ZNF429: variants seen among roughly 807,000 people sequenced by gnomAD.
ZNF429 encodes the protein zinc finger protein 429.
In ZNF429, 53 loss-of-function variants were observed where a neutral mutation model predicts 56.8. The observed-to-expected ratio is 0.93, with a 90% CI of 0.75 to 1.17. The LOEUF (loss-of-function observed/expected upper bound fraction) is 1.17. ZNF429 is among the 50% of genes most tolerant of loss of function. ZNF429 has a pLI of 0.00. For missense variants in ZNF429, 849 were observed against 788.4 expected (o/e 1.08, Z -0.92); for synonymous variants, 278 against 264.7 (o/e 1.05, Z -0.49).
At chr19:21,521,330 G>T (rs1032728173) in intron 1 of ZNF429, 9 of 152,088 alleles carry the variant, frequency 5.9e-5, no homozygotes, top group African/African-American at 2.2e-4. Flanking sequence ...ACAAAGTCAG[G>T]TTCCAGTTCT....
chr19:21,506,461 A>AG (rs112803668), intron 1 of ZNF429, among the ~76,000 whole-genome samples: 8 of 147,228 alleles, frequency 5.4e-5, no homozygotes, highest in African/African-American at 2.0e-4. Flanking sequence ...AAAAAAAAAA[A>AG]GGGGAGTCAC....
chr19:21,523,383 T>TG (rs971115277), intron 1 of ZNF429, among the ~76,000 whole-genome samples: 1 of 152,184 alleles, frequency 6.6e-6, no homozygotes, highest in African/African-American at 2.4e-5. Context: ...CAATTACATT[T>TG]GCACCAACCT....
intron 1 of ZNF429, among the ~76,000 whole-genome samples, chr19:21,506,760 GTTTTTTGTTTT>G (rs1168826761): frequency 8.4e-6 from 1 of 119,660 alleles, no homozygotes; most frequent in Non-Finnish European, 1.7e-5. Context: ...ATTTGAGTTA[GTTTTTTGTTTT>G]TTTTTTTTTT....
Position 21,537,452 on chromosome 19 carries a change from C to T in ZNF429, c.1399C>T (p.His467Tyr), listed in dbSNP as rs773133276. 10 of 1,601,322 alleles carry T rather than the reference C, an allele frequency of 6.2e-6. No homozygotes were observed. Among genetic ancestry groups the T allele is most frequent in the Middle Eastern group, 1.7e-4 (1 of 5,962 alleles). Residue 467 changes from histidine to tyrosine, a missense_variant, in exon 4 of 4, where the codon CAC becomes TAC. Coordinates refer to ENST00000358491, the MANE Select transcript of ZNF429 (RefSeq NM_001001415.4). ...TGGCAAAGCTTTTAACCGGTCCTCA[C>T]ACCTTACTAGCCATAGGAGAATTCA... ...ECGKAFNRSS[H>Y]LTSHRRIHTG...
chr19:21,507,308 C>T (rs1239203818), intron 1 of ZNF429, among the ~76,000 whole-genome samples: 1 of 152,202 alleles, frequency 6.6e-6, no homozygotes, highest in African/African-American at 2.4e-5. Flanking sequence ...ACTCCCACTA[C>T]TCCCTAATTC....
Position 21,534,474 on chromosome 19 carries a change from C to G in ZNF429, c.227-1806C>G. Among the ~76,000 whole-genome samples, 2 of 102,196 alleles carry G rather than the reference C, an allele frequency of 2.0e-5. 1 individual carries two copies. Among genetic ancestry groups the G allele is most frequent in the African/African-American group, 7.2e-5 (2 of 27,732 alleles). 67.0% of individuals were successfully genotyped at this position (102,196 alleles called of 152,430 possible). ...CAACGCAGCCTCAACCTCCTGAGCT[C>G]AAGTGATCCTTCCATCTCAGTCTCC... On this transcript the variant is annotated intron_variant, in intron 3 of 3. Transcript: ENST00000358491.
At chr19:21,522,486 T>A (rs2033017666) in intron 1 of ZNF429, among the ~76,000 whole-genome samples, 1 of 152,232 alleles carries the variant, frequency 6.6e-6, no homozygotes, top group African/African-American at 2.4e-5. Context: ...AATTTTTCTT[T>A]TAATTATATT....
chr19:21,508,555 A>G (rs1183282108), intron 1 of ZNF429, among the ~76,000 whole-genome samples: 1 of 152,070 alleles, frequency 6.6e-6, no homozygotes, highest in East Asian at 1.9e-4. Flanking sequence ...CTAAATTGCA[A>G]TTTTTTAGTA....
Position 21,538,716 on chromosome 19 carries a change from C to CATTT in ZNF429, c.*641_*644dup, listed in dbSNP as rs1445511397. On this transcript the variant is annotated 3_prime_UTR_variant, in exon 4 of 4. Coordinates refer to ENST00000358491, the MANE Select transcript of ZNF429 (RefSeq NM_001001415.4). ...GCTCACATCTTATTGCATAGAAAAG[C>CATTT]ATTTATACCTGAAAAAAGGTATACA... 1 of 152,096 alleles carries CATTT rather than the reference C, an allele frequency of 6.6e-6. No homozygotes were observed. The highest frequency in any genetic ancestry group is 1.5e-5 in the Non-Finnish European group (1 of 68,012). The allele number at this position is 152,096 out of a possible 1,614,324, so 9.4% of individuals were successfully genotyped here. A position where few individuals can be genotyped will look rare whatever the true frequency, so the allele number is the denominator to read the frequency against.
intron 3 of ZNF429, among the ~76,000 whole-genome samples, chr19:21,531,114 A>AAAACAAAAC: frequency 1.2e-3 from 122 of 98,252 alleles, no homozygotes; most frequent in African/African-American, 5.8e-3. Context: ...CTCAAAAAAA[A>AAAACAAAAC]AAAAAAAAAA....
chr19:21,536,925 G>A lies in ZNF429; in HGVS notation c.872G>A (p.Gly291Asp). ...GEKPYKCDEC[G>D]KTFSISSTFT... ...AAGCCCTACAAATGTGATGAATGTG[G>A]CAAAACCTTTAGCATATCCTCAACC... is the stretch of plus-strand genomic sequence containing the variant. The change falls in exon 4 of 4, where the codon GGC (glycine) becomes GAC (aspartate). Residue 291 changes from glycine to aspartate, a missense_variant. Coordinates refer to ENST00000358491, the MANE Select transcript of ZNF429 (RefSeq NM_001001415.4). 6.2e-7 allele frequency: 1 copy of A among 1,612,288 alleles called. No individual in the cohort carries two copies. Among genetic ancestry groups the A allele is most frequent in the Non-Finnish European group, 8.5e-7 (1 of 1,179,136 alleles).
In ZNF429 at chr19:21,535,449, T is replaced by TC; in HGVS notation, c.227-831_227-830insC. ...CTTTCTTTCTTTCTTTCTTTCTTTC[T>TC]TTCTTTCTTTCTTTCTTTCTTTCTT... is the stretch of plus-strand genomic sequence containing the variant. On this transcript the variant is annotated intron_variant, in intron 3 of 3. Transcript: ENST00000358491. Among the ~76,000 whole-genome samples the TC allele has an allele frequency of 1.9e-4, 20 of 102,698 alleles. 3 individuals are homozygous for TC. The highest frequency in any genetic ancestry group is 8.2e-4 in the African/African-American group (18 of 21,886). The allele number at this position is 102,698 out of a possible 152,430, so 67.4% of individuals were successfully genotyped here. A position where few individuals can be genotyped will look rare whatever the true frequency, so the allele number is the denominator to read the frequency against.
chr19:21,511,369 C>T (rs984806076), intron 1 of ZNF429, among the ~76,000 whole-genome samples: 2 of 151,656 alleles, frequency 1.3e-5, no homozygotes, highest in Admixed American at 6.6e-5. Context: ...ACTGGGCGGC[C>T]GGGCAGAGAC....
At chr19:21,508,530 T>C (rs1438092064) in intron 1 of ZNF429, among the ~76,000 whole-genome samples, 1 of 152,190 alleles carries the variant, frequency 6.6e-6, no homozygotes, top group Non-Finnish European at 1.5e-5. Context: ...TTATATTGAC[T>C]TCAGTTTTTT....
intron 1 of ZNF429, among the ~76,000 whole-genome samples, chr19:21,526,921 C>T (rs1204380394): frequency 3.9e-5 from 6 of 152,162 alleles, no homozygotes; most frequent in African/African-American, 9.7e-5. Flanking sequence ...CTGTCCAAGT[C>T]GGAGCTGCAA....
In ZNF429 at chr19:21,539,992, T is replaced by C. The variant is rs778070493; in HGVS notation, c.*1914T>C. ...TCTTTGTGGTTAACTTATTGAGTGA[T>C]GTATGAGGTCGATGTTCAGAGTAAT... On this transcript the variant is annotated 3_prime_UTR_variant, in exon 4 of 4. Coordinates refer to ENST00000358491, the MANE Select transcript of ZNF429 (RefSeq NM_001001415.4). 5.3e-5 allele frequency among the ~76,000 whole-genome samples: 8 copies of C among 152,130 alleles called. No individual in the cohort carries two copies. Among genetic ancestry groups the C allele is most frequent in the Non-Finnish European group, 1.0e-4 (7 of 68,008 alleles).
At chr19:21,531,937 G>A in intron 3 of ZNF429, among the ~76,000 whole-genome samples, 1 of 151,144 alleles carries the variant, frequency 6.6e-6, no homozygotes, top group Admixed American at 6.6e-5. Flanking sequence ...AATGCCCTTA[G>A]TATATTAGCA....
rs1482682904 is a variant in ZNF429, at chr19:21,536,512, C to A, written c.459C>A (p.Val153=). 1 of 1,612,534 alleles carries A rather than the reference C, an allele frequency of 6.2e-7. No individual in the cohort carries two copies. ...ATCACTGTGATATATATGTAAAAGT[C>A]TTTTATGCATTTTCAAATGCAGATA... ...KMYHCDIYVK[V]FYAFSNADRY... is the part of the protein sequence containing the mutation. Residue 153 remains valine (V), a synonymous_variant, in exon 4 of 4, where the codon GTC becomes GTA. Transcript: ENST00000358491.
intron 1 of ZNF429, among the ~76,000 whole-genome samples, chr19:21,512,677 A>T (rs1425449090): frequency 6.6e-6 from 1 of 151,628 alleles, no homozygotes; most frequent in East Asian, 2.0e-4. Flanking sequence ...AAAAAAAAAA[A>T]AAAAAAAGGA....
Sources: gnomAD v4.1 joint callset for allele counts (sites outside exome capture counted in the v4.1 genomes callset) on GRCh38, gnomAD v4.1.1 for gene constraint, MANE v1.5 for transcripts, NCBI Gene and HGNC (gene_info 2026-07-23, HGNC 2026-07-21) for gene names.